Variants in TNFSF13B observed in about 807,000 individuals in gnomAD.
The protein encoded by TNFSF13B is tumor necrosis factor ligand superfamily member 13B.
A neutral mutation model predicts 29.1 loss-of-function variants in TNFSF13B; 8 were observed. The observed-to-expected ratio is 0.27, with a 90% confidence interval of 0.16 to 0.50. TNFSF13B has a LOEUF of 0.50. Among genes scored for constraint, TNFSF13B ranks in the 20% least tolerant of loss-of-function variants. TNFSF13B has a pLI of 0.98. For synonymous variants in TNFSF13B, 125 were observed against 130.8 expected (o/e 0.96, Z 0.30); for missense variants, 248 against 334.9 (o/e 0.74, Z 2.03).
chr13:108,274,905 A>G (rs1054762345), intron 2 of TNFSF13B, among the ~76,000 whole-genome samples: 10 of 152,202 alleles, frequency 6.6e-5, no homozygotes, highest in Non-Finnish European at 1.2e-4. Context: ...ACATGTCCCA[A>G]TGATACTCTC....
At chr13:108,286,250 A>G (rs1257912548) in intron 2 of TNFSF13B, among the ~76,000 whole-genome samples, 2 of 152,146 alleles carry the variant, frequency 1.3e-5, no homozygotes, top group Non-Finnish European at 2.9e-5. Flanking sequence ...TCCGAGCCTT[A>G]GTTTCCAATA....
At chr13:108,284,265 C>G (rs1881049704) in intron 2 of TNFSF13B, among the ~76,000 whole-genome samples, 1 of 152,118 alleles carries the variant, frequency 6.6e-6, no homozygotes, top group African/African-American at 2.4e-5. Flanking sequence ...GGAGGCGGAG[C>G]TTGCAGTGAG....
intron 3 of TNFSF13B, among the ~76,000 whole-genome samples, chr13:108,296,686 C>T (rs1881466175): frequency 6.9e-6 from 1 of 145,396 alleles, no homozygotes; most frequent in Non-Finnish European, 1.5e-5. Context: ...TCCTCAATTC[C>T]TTTATTACCT....
Position 108,270,335 on chromosome 13 carries a change from C to T in TNFSF13B, c.340-5C>T, listed in dbSNP as rs766048024. The T allele has an allele frequency of 6.8e-6, 11 of 1,614,166 alleles. No homozygotes were observed. Among genetic ancestry groups the T allele is most frequent in the Non-Finnish European group, 5.9e-6 (7 of 1,180,012 alleles). The stretch of plus-strand genomic sequence containing the variant: ...TCTAATAACTTGAAGTTTTTCTGTT[C>T]ATAGATCTTTGAACCACCAGCTCCA... On this transcript the variant is annotated splice_polypyrimidine_tract_variant and splice_region_variant and intron_variant, in intron 1 of 5. Coordinates refer to ENST00000375887, the MANE Select transcript of TNFSF13B (RefSeq NM_006573.5).
At chr13:108,273,354 C>A (rs1880672973) in intron 2 of TNFSF13B, among the ~76,000 whole-genome samples, 1 of 152,004 alleles carries the variant, frequency 6.6e-6, no homozygotes, top group Non-Finnish European at 1.5e-5. Flanking sequence ...TTAGCCATGT[C>A]ATGAATGTAT....
At chr13:108,270,759 T>C (rs1880591574) in intron 2 of TNFSF13B, among the ~76,000 whole-genome samples, 3 of 152,136 alleles carry the variant, frequency 2.0e-5, no homozygotes, top group Non-Finnish European at 4.4e-5. Context: ...AGAAGCATTA[T>C]TCATCACTCC....
At chr13:108,293,654 T>C (rs116621326) in intron 3 of TNFSF13B, among the ~76,000 whole-genome samples, 2,047 of 152,342 alleles carry the variant, frequency 0.013, 50 homozygotes, top group African/African-American at 0.045. Flanking sequence ...TGGGTAAATT[T>C]ACTTCTAGGT....
chr13:108,269,953 G>C lies in TNFSF13B; in HGVS notation c.58G>C (p.Glu20Gln). Reference protein sequence around the residue: ...SRLTSCLKKREEMKLKECVSI... With the variant: ...SRLTSCLKKRQEMKLKECVSI... Reference sequence around the variant, plus strand: ...CCTTACTTCTTGCCTTAAGAAAAGAGAAGAAATGAAACTGAAGGAGTGTGT... The same window carrying C: ...CCTTACTTCTTGCCTTAAGAAAAGACAAGAAATGAAACTGAAGGAGTGTGT... The change falls in exon 1 of 6, where the codon GAA becomes CAA. Residue 20 changes from glutamate (E) to glutamine (Q), a missense_variant. Physicochemically the swap from Glu to Gln is conservative, Grantham distance 29. Transcript: ENST00000375887. 3 of 1,613,740 alleles carry C rather than the reference G, an allele frequency of 1.9e-6. No homozygotes were observed. The highest frequency in any genetic ancestry group is 2.5e-6 in the Non-Finnish European group (3 of 1,180,022).
rs753346585 is a variant in TNFSF13B, at chr13:108,294,762, G to T, written c.481+7903G>T. On this transcript the variant is annotated intron_variant, in intron 3 of 5. Coordinates refer to ENST00000375887, the MANE Select transcript of TNFSF13B (RefSeq NM_006573.5). The stretch of plus-strand genomic sequence containing the variant: ...AGGAATGGTTCCCTTCTCTTTTACT[G>T]TTTTTTGGAAGAGTTTGAGAAGATT... Among the ~76,000 whole-genome samples, 5 of 117,226 alleles carry T rather than the reference G, an allele frequency of 4.3e-5. 1 individual carries two copies. Among genetic ancestry groups the T allele is most frequent in the Non-Finnish European group, 9.7e-5 (5 of 51,782 alleles). 76.9% of individuals were successfully genotyped at this position (117,226 alleles called of 152,430 possible). A position where few individuals can be genotyped will look rare whatever the true frequency, so the allele number is the denominator to read the frequency against.
intron 5 of TNFSF13B, among the ~76,000 whole-genome samples, chr13:108,304,884 G>C (rs1881726363): frequency 6.6e-6 from 1 of 152,160 alleles, no homozygotes. Flanking sequence ...TTCATAAAGA[G>C]ATGTTTCCCT....
intron 5 of TNFSF13B, 24 bp from the exon 6 acceptor site, chr13:108,306,802 T>C: frequency 2.2e-6 from 3 of 1,367,430 alleles, no homozygotes; most frequent in Non-Finnish European, 3.1e-6. Context: ...CCACTTATAG[T>C]TCTTGTAAAT....
In TNFSF13B at chr13:108,303,284, C is replaced by T; in HGVS notation, c.513C>T (p.Ser171=). ...ACACATTTGTTCCATGGCTTCTCAG[C>T]TTTAAAAGGGGAAGTGCCCTAGAAG... ...GSYTFVPWLL[S]FKRGSALEEK... The change falls in exon 4 of 6, where the codon AGC becomes AGT. Residue 171 remains serine, a synonymous_variant. Transcript: ENST00000375887. 1 of 1,613,136 alleles carries T rather than the reference C, an allele frequency of 6.2e-7. No individual in the cohort carries two copies. The highest frequency in any genetic ancestry group is 8.5e-7 in the Non-Finnish European group (1 of 1,179,560).
chr13:108,299,368 A>G (rs1230872661), intron 3 of TNFSF13B, among the ~76,000 whole-genome samples: 1 of 123,290 alleles, frequency 8.1e-6, no homozygotes, highest in Non-Finnish European at 1.8e-5. Flanking sequence ...ACAGTTAGGC[A>G]GTTAGGATGT....
chr13:108,289,027 T>G (rs1362625164), intron 3 of TNFSF13B, among the ~76,000 whole-genome samples: 2 of 152,158 alleles, frequency 1.3e-5, no homozygotes, highest in African/African-American at 4.8e-5. Flanking sequence ...GTTCAACATT[T>G]TCCTAAATCA....
chr13:108,294,148 G>T (rs1881398823), intron 3 of TNFSF13B, among the ~76,000 whole-genome samples: 1 of 150,596 alleles, frequency 6.6e-6, no homozygotes, highest in South Asian at 2.1e-4. Flanking sequence ...TGAATTCATT[G>T]ATTAGTTTTA....
intron 3 of TNFSF13B, among the ~76,000 whole-genome samples, chr13:108,294,098 A>G (rs543041860): frequency 3.3e-5 from 5 of 152,172 alleles, no homozygotes; most frequent in Admixed American, 2.0e-4. Flanking sequence ...TTGAAACACA[A>G]CAGATTTTTG....
intron 3 of TNFSF13B, among the ~76,000 whole-genome samples, chr13:108,290,226 CAT>C (rs1171595320): frequency 1.3e-5 from 2 of 151,746 alleles, no homozygotes; most frequent in African/African-American, 4.8e-5. Context: ...CAGAGATCCT[CAT>C]ATGAAAAAAA....
intron 3 of TNFSF13B, among the ~76,000 whole-genome samples, chr13:108,298,108 G>A (rs748521530): frequency 2.1e-5 from 3 of 144,802 alleles, no homozygotes; most frequent in Non-Finnish European, 4.6e-5. Context: ...TTTAGTAATA[G>A]CAATTTAAGT....
intron 2 of TNFSF13B, among the ~76,000 whole-genome samples, chr13:108,274,641 T>C (rs16972204): frequency 0.025 from 3,812 of 152,290 alleles, 252 homozygotes; most frequent in East Asian, 0.14. Flanking sequence ...AAAAAAGTTG[T>C]CTGTAACACA....
Sources: allele counts gnomAD v4.1 joint callset (sites outside exome capture counted in the v4.1 genomes callset), GRCh38; gene constraint gnomAD v4.1.1; transcripts MANE v1.5; gene names NCBI Gene and HGNC (gene_info 2026-07-23, HGNC 2026-07-21).